TULP4: variants seen among roughly 807,000 people sequenced by gnomAD.
TULP4 encodes the protein tubby-related protein 4.
A neutral mutation model predicts 129.0 loss-of-function variants in TULP4; 16 were observed. The ratio of observed to expected loss-of-function variants is 0.12; its 90% confidence interval spans 0.08 to 0.19. The LOEUF is 0.19. TULP4 is among the 10% of genes least tolerant of loss of function. TULP4 has a pLI of 1.00. For synonymous variants in TULP4, 998 were observed against 854.0 expected, an observed-to-expected ratio of 1.17 and a Z score of -2.94; for missense variants, 1,842 against 2,059.1, an observed-to-expected ratio of 0.89 and a Z score of 2.04.
chr6:158,464,561 C>T (rs1157189325), intron 6 of TULP4, among the ~76,000 whole-genome samples: 2 of 152,216 alleles, frequency 1.3e-5, no homozygotes, highest in Admixed American at 6.5e-5. Flanking sequence ...CAGCTCACTG[C>T]AACCTCTGCC....
chr6:158,359,737 C>T (rs559134104), intron 1 of TULP4, among the ~76,000 whole-genome samples: 2 of 152,254 alleles, frequency 1.3e-5, no homozygotes, highest in South Asian at 4.2e-4. Flanking sequence ...ATCCTTCAGT[C>T]CAATCAAGTT....
At chr6:158,243,890 A>C (rs1341526803) in intron 1 of TULP4, among the ~76,000 whole-genome samples, 1 of 136,704 alleles carries the variant, frequency 7.3e-6, no homozygotes, top group Non-Finnish European at 1.5e-5. Flanking sequence ...GTGTGTGTAG[A>C]AATTCTCCTT....
upstream of TULP4, among the ~76,000 whole-genome samples, chr6:158,281,983 A>T (rs889640287): frequency 2.6e-5 from 4 of 152,152 alleles, no homozygotes; most frequent in African/African-American, 9.7e-5. Context: ...CTTTGCCCTG[A>T]TGAAGAGTAT....
At chr6:158,328,312 A>T (rs1779796401) in intron 1 of TULP4, among the ~76,000 whole-genome samples, 1 of 151,256 alleles carries the variant, frequency 6.6e-6, no homozygotes, top group Non-Finnish European at 1.5e-5. Flanking sequence ...TTTTTTTTAG[A>T]TGAGGAAAGT....
intron 1 of TULP4, among the ~76,000 whole-genome samples, chr6:158,333,686 T>A (rs972186053): frequency 6.6e-6 from 1 of 152,114 alleles, no homozygotes; most frequent in African/African-American, 2.4e-5. Flanking sequence ...TTGAAAAAAT[T>A]CACAGATGAG....
In TULP4 at chr6:158,508,435, A is replaced by G. The variant is rs1582890928; in HGVS notation, c.*1741A>G. On this transcript the variant is annotated 3_prime_UTR_variant, in exon 14 of 14. Transcript: ENST00000367097. The stretch of plus-strand genomic sequence containing the variant: ...TCAAGATGACATGACATCACTCCCA[A>G]TTCTCTCCAAACCCCAGAGAAATAC... 6.6e-6 allele frequency: 1 copy of G among 152,218 alleles called. No individual in the cohort carries two copies. Among genetic ancestry groups the G allele is most frequent in the African/African-American group, 2.4e-5 (1 of 41,430 alleles). The allele number at this position is 152,218 out of a possible 1,614,324, so 9.4% of individuals were successfully genotyped here.
chr6:158,361,153 A>G (rs1206018353), intron 1 of TULP4, among the ~76,000 whole-genome samples: 1 of 152,212 alleles, frequency 6.6e-6, no homozygotes, highest in Admixed American at 6.5e-5. Context: ...CTGTGGTGAT[A>G]CAGGAAGCTT....
At chr6:158,389,373 G>T (rs1184140860) in intron 1 of TULP4, among the ~76,000 whole-genome samples, 1 of 152,164 alleles carries the variant, frequency 6.6e-6, no homozygotes, top group Non-Finnish European at 1.5e-5. Flanking sequence ...GACTGCTTGA[G>T]CCTGGGAGGT....
chr6:158,378,382 G>A (rs1354350120), intron 1 of TULP4, among the ~76,000 whole-genome samples: 1 of 148,584 alleles, frequency 6.7e-6, no homozygotes, highest in African/African-American at 2.5e-5. Context: ...GACTTAAAAG[G>A]AAAGAATAAT....
intron 9 of TULP4, among the ~76,000 whole-genome samples, chr6:158,490,392 C>CAAAT (rs1424048136): frequency 7.2e-5 from 11 of 152,060 alleles, no homozygotes; most frequent in African/African-American, 2.2e-4. Flanking sequence ...GACTGCACCT[C>CAAAT]AAATAAATAA....
chr6:158,343,916 A>G (rs1273802175), intron 1 of TULP4, among the ~76,000 whole-genome samples: 2 of 152,252 alleles, frequency 1.3e-5, no homozygotes, highest in Non-Finnish European at 2.9e-5. Context: ...CTAAGCCATC[A>G]TATCCCCTGT....
intron 1 of TULP4, among the ~76,000 whole-genome samples, chr6:158,408,224 A>G (rs895075708): frequency 1.3e-5 from 2 of 152,178 alleles, no homozygotes; most frequent in African/African-American, 4.8e-5. Flanking sequence ...TTGGAACTTC[A>G]GGGAAGGCTT....
intron 6 of TULP4, among the ~76,000 whole-genome samples, chr6:158,462,385 C>CTTTTTTTTTTTT (rs61200391): frequency 7.4e-6 from 1 of 134,574 alleles, no homozygotes; most frequent in Non-Finnish European, 1.6e-5. Context: ...TTTTTTCTTT[C>CTTTTTTTTTTTT]TTTTTTTTTT....
intron 1 of TULP4, among the ~76,000 whole-genome samples, chr6:158,235,581 C>T (rs1411406155): frequency 6.6e-6 from 1 of 152,208 alleles, no homozygotes; most frequent in Non-Finnish European, 1.5e-5. Context: ...CTCCTGGGCT[C>T]AAGCAGTCCT....
At chr6:158,353,986 C>G (rs117760808) in intron 1 of TULP4, among the ~76,000 whole-genome samples, 9,547 of 152,330 alleles carry the variant, frequency 0.063, 422 homozygotes, top group South Asian at 0.13. Context: ...CTGTGGTCAT[C>G]GGCCCCAGAG....
At chr6:158,434,945 C>T (rs1056042579) in intron 3 of TULP4, among the ~76,000 whole-genome samples, 1 of 152,198 alleles carries the variant, frequency 6.6e-6, no homozygotes, top group Non-Finnish European at 1.5e-5. Context: ...AGAAGACTCT[C>T]TCCTTGTTCC....
chr6:158,322,255 T>G (rs993016870), intron 1 of TULP4, among the ~76,000 whole-genome samples: 2 of 152,216 alleles, frequency 1.3e-5, no homozygotes, highest in African/African-American at 4.8e-5. Context: ...TTTAGTAGAT[T>G]TGTGACCAAC....
chr6:158,367,380 A>G (rs1462533728), intron 1 of TULP4, among the ~76,000 whole-genome samples: 2 of 152,230 alleles, frequency 1.3e-5, no homozygotes, highest in Admixed American at 6.5e-5. Flanking sequence ...CTCTTCATAG[A>G]TGATTGCTGG....
intron 1 of TULP4, among the ~76,000 whole-genome samples, chr6:158,365,755 G>A (rs1780928341): frequency 6.6e-6 from 1 of 151,794 alleles, no homozygotes; most frequent in Admixed American, 6.6e-5. Flanking sequence ...ACAGGCATGA[G>A]CTACCGCGCC....
Sources: allele counts gnomAD v4.1 joint callset (sites outside exome capture counted in the v4.1 genomes callset), GRCh38; gene constraint gnomAD v4.1.1; transcripts MANE v1.5; gene names NCBI Gene and HGNC (gene_info 2026-07-23, HGNC 2026-07-21).